Variants in SEMA3A observed in about 807,000 individuals in gnomAD.
The protein encoded by SEMA3A is semaphorin-3A.
SEMA3A carries 29 observed loss-of-function variants against 97.9 expected under a neutral mutation model. That is an observed-to-expected ratio of 0.30 (90% CI 0.22 to 0.40). SEMA3A has a LOEUF of 0.40. Among genes scored for constraint, SEMA3A ranks in the 10% least tolerant of loss-of-function variants. The pLI is 1.00. For synonymous variants in SEMA3A, 321 were observed against 323.7 expected (o/e 0.99, Z 0.09); for missense variants, 763 against 951.3 (o/e 0.80, Z 2.60).
At chr7:84,407,628 A>T (rs1365814306) in intron 1 of SEMA3A, among the ~76,000 whole-genome samples, 1 of 151,056 alleles carries the variant, frequency 6.6e-6, no homozygotes, top group Non-Finnish European at 1.5e-5. Context: ...GCATCACCGT[A>T]CCTGACTTCA....
intron 10 of SEMA3A, among the ~76,000 whole-genome samples, chr7:84,006,134 A>AAAAT (rs1431218836): frequency 6.6e-6 from 1 of 152,104 alleles, no homozygotes; most frequent in African/African-American, 2.4e-5. Flanking sequence ...TGTTATTAGT[A>AAAAT]AAATAAGTGA....
chr7:84,027,318 T>C (rs1356341062), intron 6 of SEMA3A, among the ~76,000 whole-genome samples: 2 of 152,188 alleles, frequency 1.3e-5, no homozygotes, highest in Non-Finnish European at 2.9e-5. Context: ...TTTATGAAAA[T>C]TCCTTTACCA....
chr7:84,388,822 AG>A (rs1803467258), intron 1 of SEMA3A, among the ~76,000 whole-genome samples: 1 of 152,062 alleles, frequency 6.6e-6, no homozygotes, highest in Admixed American at 6.6e-5. Context: ...GTATGATTCT[AG>A]GAAAAATTCC....
chr7:84,047,453 C>G (rs73187460), intron 5 of SEMA3A, among the ~76,000 whole-genome samples: 7,322 of 152,020 alleles, frequency 0.048, 286 homozygotes, highest in East Asian at 0.19. Context: ...CTAATGGCAA[C>G]TCAAGGTGAA....
intron 1 of SEMA3A, among the ~76,000 whole-genome samples, chr7:84,378,983 G>A (rs1803184625): frequency 6.6e-6 from 1 of 151,890 alleles, no homozygotes; most frequent in Non-Finnish European, 1.5e-5. Flanking sequence ...CTGGAGTGCA[G>A]TGGCACAATC....
At chr7:84,291,500 C>G (rs996021346) in intron 3 of SEMA3A, among the ~76,000 whole-genome samples, 1 of 151,870 alleles carries the variant, frequency 6.6e-6, no homozygotes, top group Non-Finnish European at 1.5e-5. Flanking sequence ...TTTTCATGAC[C>G]TATCAGAAAA....
chr7:84,362,978 T>A (rs1372339037), intron 2 of SEMA3A, among the ~76,000 whole-genome samples: 5 of 151,736 alleles, frequency 3.3e-5, no homozygotes, highest in African/African-American at 7.3e-5. Flanking sequence ...AAATGGGGAA[T>A]TTACAAAGTA....
chr7:84,023,677 A>C (rs1791417954), intron 6 of SEMA3A, among the ~76,000 whole-genome samples: 1 of 152,148 alleles, frequency 6.6e-6, no homozygotes, highest in African/African-American at 2.4e-5. Context: ...TCTCTGAATC[A>C]ACAGGAACAC....
chr7:84,408,456 T>G (rs953589136), intron 1 of SEMA3A, among the ~76,000 whole-genome samples: 5 of 151,734 alleles, frequency 3.3e-5, no homozygotes, highest in Non-Finnish European at 7.4e-5. Context: ...GACTGTAAAC[T>G]AGTTCAACCA....
intron 1 of SEMA3A, among the ~76,000 whole-genome samples, chr7:84,148,104 G>A (rs994449893): frequency 1.3e-5 from 2 of 151,848 alleles, no homozygotes; most frequent in African/African-American, 2.4e-5. Flanking sequence ...TAGTAGCGAC[G>A]GGGTTTTGCC....
At chr7:84,019,725 C>T (rs1323758001) in intron 6 of SEMA3A, among the ~76,000 whole-genome samples, 1 of 124,434 alleles carries the variant, frequency 8.0e-6, no homozygotes, top group African/African-American at 2.6e-5. Flanking sequence ...CCAGAACTAT[C>T]AAATAAAAAA....
intron 6 of SEMA3A, among the ~76,000 whole-genome samples, chr7:84,023,803 G>A (rs1791425058): frequency 6.6e-6 from 1 of 152,182 alleles, no homozygotes. Context: ...GAGGTCAGGA[G>A]ATCGAGACCA....
chr7:84,476,767 T>G lies in SEMA3A; in HGVS notation c.-246+15693A>C, dbSNP rs193056326. On this transcript the variant is annotated intron_variant, in intron 1 of 3. Coordinates refer to the SEMA3A transcript ENST00000424555. ...TGATTCCAGATTCTTACATTGTAGC[T>G]GAAAATCTAACGCAAGAAACAAACT... 8.4e-4 allele frequency among the ~76,000 whole-genome samples: 128 copies of G among 152,242 alleles called. 1 individual carries two copies. The highest frequency in any genetic ancestry group is 3.4e-3 in the Middle Eastern group (1 of 294).
chr7:83,992,868 A>G (rs1317603024), intron 12 of SEMA3A, among the ~76,000 whole-genome samples: 1 of 151,840 alleles, frequency 6.6e-6, no homozygotes, highest in Non-Finnish European at 1.5e-5. Flanking sequence ...ATTCCTGGGT[A>G]TCCTTGTTGA....
intron 2 of SEMA3A, among the ~76,000 whole-genome samples, chr7:84,307,626 A>G (rs1363734581): frequency 2.0e-5 from 3 of 152,174 alleles, no homozygotes; most frequent in Non-Finnish European, 2.9e-5. Flanking sequence ...AACATGCTCT[A>G]TTGATTTGCC....
At chr7:83,983,212 T>C (rs1051698576) in intron 13 of SEMA3A, among the ~76,000 whole-genome samples, 2 of 148,030 alleles carry the variant, frequency 1.4e-5, no homozygotes, top group Admixed American at 1.3e-4. Context: ...TCTCTTTCTT[T>C]CCTTTTCTTT....
chr7:84,371,988 A>G (rs1562923531), intron 1 of SEMA3A: 1 of 152,064 alleles, frequency 6.6e-6, no homozygotes, highest in Non-Finnish European at 1.5e-5. Flanking sequence ...AATAAACAAA[A>G]AAGCACACTT....
At chr7:84,373,165 G>C (rs1288859214) in intron 1 of SEMA3A, among the ~76,000 whole-genome samples, 1 of 152,176 alleles carries the variant, frequency 6.6e-6, no homozygotes, top group Non-Finnish European at 1.5e-5. Flanking sequence ...AGTGTCCCCA[G>C]TCAACCTGTA....
chr7:83,980,545 C>T (rs1451323239), intron 14 of SEMA3A, among the ~76,000 whole-genome samples: 1 of 141,632 alleles, frequency 7.1e-6, no homozygotes, highest in East Asian at 2.1e-4. Context: ...GCAGAGGTTG[C>T]AGTGAGCCGA....
Sources: allele counts gnomAD v4.1 joint callset (sites outside exome capture counted in the v4.1 genomes callset), GRCh38; gene constraint gnomAD v4.1.1; transcripts MANE v1.5; gene names NCBI Gene and HGNC (gene_info 2026-07-23, HGNC 2026-07-21).